The following ADARB2 variants were observed in gnomAD, a reference collection of about 807,000 sequenced individuals.
ADARB2 encodes inactive double-stranded RNA-specific editase B2.
ADARB2 carries 25 observed loss-of-function variants against 62.2 expected under a neutral mutation model. That is an observed-to-expected ratio of 0.40 (90% confidence interval 0.29 to 0.56). ADARB2 has a LOEUF of 0.56. Among genes scored for constraint, ADARB2 ranks in the 20% least tolerant of loss-of-function variants. The pLI is 0.43. For synonymous variants in ADARB2, 572 were observed against 500.8 expected, an observed-to-expected ratio of 1.14 and a Z score of -1.90; for missense variants, 1,071 against 1,077.4, an observed-to-expected ratio of 0.99 and a Z score of 0.08.
chr10:1,442,760 G>C (rs577701145), intron 1 of ADARB2, among the ~76,000 whole-genome samples: 11 of 152,136 alleles, frequency 7.2e-5, no homozygotes, highest in Admixed American at 7.2e-4. Flanking sequence ...ACACTTTGCC[G>C]TTTTGATTTT....
At chr10:1,678,401 G>GCGCAGACGCTCACCCCA in intron 1 of ADARB2, 2 of 913,220 alleles carry the variant, frequency 2.2e-6, no homozygotes, top group Non-Finnish European at 2.6e-6. Flanking sequence ...TCCTTGGGGT[G>GCGCAGACGCTCACCCCA]AGCGTCTGCG....
At chr10:1,556,898 G>C (rs761222117) in intron 1 of ADARB2, 1 of 503,624 alleles carries the variant, frequency 2.0e-6, no homozygotes, top group South Asian at 1.5e-5. Flanking sequence ...GGCCTCTTTT[G>C]ACCTCTATTC....
intron 1 of ADARB2, among the ~76,000 whole-genome samples, chr10:1,732,838 G>A (rs1042064671): frequency 1.3e-5 from 2 of 152,218 alleles, no homozygotes; most frequent in Non-Finnish European, 2.9e-5. Flanking sequence ...ACAGCAAGCC[G>A]GCGTCTGCCA....
chr10:1,318,074 T>A (rs1201529630), intron 3 of ADARB2, among the ~76,000 whole-genome samples: 2 of 152,256 alleles, frequency 1.3e-5, no homozygotes, highest in East Asian at 3.8e-4. Flanking sequence ...TAAACCTGCA[T>A]TCTGCATAGC....
intron 4 of ADARB2, among the ~76,000 whole-genome samples, chr10:1,253,480 T>G (rs1831053200): frequency 6.6e-6 from 1 of 152,224 alleles, no homozygotes; most frequent in South Asian, 2.1e-4. Flanking sequence ...CTCGCTTGCT[T>G]TAAAGTATCA....
In ADARB2 at chr10:1,632,781, T is replaced by A. The variant is rs1833859452; in HGVS notation, c.100+104270A>T. ...GAACCACTCCCATCTGCACACTCGT[T>A]CCAAGTTAGCGTGACATGCTGTAAA... is the stretch of plus-strand genomic sequence containing the variant. On this transcript the variant is annotated intron_variant, in intron 1 of 9. Transcript: ENST00000381312. Among the ~76,000 whole-genome samples the A allele has an allele frequency of 3.3e-5, 5 of 152,226 alleles. No homozygotes were observed. In the South Asian group the frequency reaches 1.0e-3, roughly 31 times the overall value.
Position 1,362,984 on chromosome 10 carries a change from C to G in ADARB2, c.1077+44G>C, listed in dbSNP as rs536456518. ...GGGAAAGGTCGGGGTCTCCCCCGCG[C>G]CCCCAGCGCCGCCCGTTCCCCCTGC... On this transcript the variant is annotated intron_variant, in intron 3 of 9. Coordinates refer to ENST00000381312, the MANE Select transcript of ADARB2 (RefSeq NM_018702.4). 5 of 1,281,640 alleles carry G rather than the reference C, an allele frequency of 3.9e-6. No individual in the cohort carries two copies. In the East Asian group the frequency reaches 1.6e-4, roughly 40 times the overall value. 79.4% of individuals were successfully genotyped at this position (1,281,640 alleles called of 1,614,324 possible).
At chr10:1,325,262 G>A (rs1040297703) in intron 3 of ADARB2, among the ~76,000 whole-genome samples, 2 of 152,124 alleles carry the variant, frequency 1.3e-5, no homozygotes, top group Non-Finnish European at 2.9e-5. Context: ...CCGAACGCTG[G>A]GGCCATGACA....
At chr10:1,273,432 A>C (rs924082502) in intron 3 of ADARB2, among the ~76,000 whole-genome samples, 9 of 152,244 alleles carry the variant, frequency 5.9e-5, no homozygotes, top group Admixed American at 5.2e-4. Context: ...GGCCCCTGTG[A>C]TAACCTGGTC....
chr10:1,639,670 T>C (rs1035776889), intron 1 of ADARB2, among the ~76,000 whole-genome samples: 1 of 152,248 alleles, frequency 6.6e-6, no homozygotes, highest in African/African-American at 2.4e-5. Context: ...TGGTGAAACC[T>C]GTCTCTACTA....
chr10:1,702,419 G>T (rs1014646536), intron 1 of ADARB2, among the ~76,000 whole-genome samples: 1 of 152,128 alleles, frequency 6.6e-6, no homozygotes, highest in Non-Finnish European at 1.5e-5. Context: ...AGAGGGTGAG[G>T]GTCTGGGGCC....
At chr10:1,533,461 C>G (rs1286995489) in intron 1 of ADARB2, among the ~76,000 whole-genome samples, 1 of 151,098 alleles carries the variant, frequency 6.6e-6, no homozygotes, top group Non-Finnish European at 1.5e-5. Flanking sequence ...TAATCACAAT[C>G]CTGAGAGGTG....
intron 1 of ADARB2, among the ~76,000 whole-genome samples, chr10:1,692,770 A>G (rs929664635): frequency 6.6e-6 from 1 of 152,190 alleles, no homozygotes; most frequent in Non-Finnish European, 1.5e-5. Context: ...GGATAACAAA[A>G]CAGTGGACTG....
intron 1 of ADARB2, among the ~76,000 whole-genome samples, chr10:1,461,219 G>C (rs10903457): frequency 0.45 from 68,663 of 151,974 alleles, 15,857 homozygotes; most frequent in Middle Eastern, 0.6. Context: ...AAACGCCCCA[G>C]ACCGAATTAT....
chr10:1,388,360 T>A (rs190687768), intron 1 of ADARB2, among the ~76,000 whole-genome samples: 6 of 152,124 alleles, frequency 3.9e-5, no homozygotes, highest in Non-Finnish European at 5.9e-5. Context: ...CTATTCAACA[T>A]TGGACAGAGG....
chr10:1,614,920 T>TA (rs763888569), intron 1 of ADARB2, among the ~76,000 whole-genome samples: 2 of 143,496 alleles, frequency 1.4e-5, no homozygotes, highest in African/African-American at 5.3e-5. Flanking sequence ...CAAAAAAAAA[T>TA]AATAAAATGC....
chr10:1,473,076 G>T (rs912530466), intron 1 of ADARB2, among the ~76,000 whole-genome samples: 1 of 152,156 alleles, frequency 6.6e-6, no homozygotes, highest in Non-Finnish European at 1.5e-5. Flanking sequence ...GGGAAGGAAC[G>T]TGGGGCCCTG....
chr10:1,229,821 T>C (rs1242484094), intron 6 of ADARB2, among the ~76,000 whole-genome samples: 2 of 150,598 alleles, frequency 1.3e-5, no homozygotes, highest in Non-Finnish European at 2.9e-5. Flanking sequence ...TGTACTTATG[T>C]ATGTTTTTGT....
chr10:1,362,603 G>T (rs1308414810), intron 3 of ADARB2, among the ~76,000 whole-genome samples: 1 of 152,216 alleles, frequency 6.6e-6, no homozygotes, highest in Non-Finnish European at 1.5e-5. Context: ...CAGGGACCCC[G>T]TCTGGATCCT....
Sources: gnomAD v4.1 joint callset for allele counts (sites outside exome capture counted in the v4.1 genomes callset) on GRCh38, gnomAD v4.1.1 for gene constraint, MANE v1.5 for transcripts, NCBI Gene and HGNC (gene_info 2026-07-23, HGNC 2026-07-21) for gene names.